KCND3: variants seen among roughly 807,000 people sequenced by gnomAD.
KCND3 encodes potassium voltage-gated channel subfamily D member 3, also known as A-type voltage-gated potassium channel KCND3.
KCND3 carries 9 observed loss-of-function variants against 51.1 expected under a neutral mutation model. The ratio of observed to expected loss-of-function variants is 0.18; its 90% CI spans 0.11 to 0.31. KCND3 has a LOEUF of 0.31. Among genes scored for constraint, KCND3 ranks in the 10% least tolerant of loss-of-function variants. The pLI, the probability that KCND3 is intolerant of heterozygous loss-of-function variation, is 1.00. For missense variants in KCND3, 526 were observed against 903.8 expected (o/e 0.58, Z 5.36); for synonymous variants, 349 against 368.0 (o/e 0.95, Z 0.59).
At chr1:111,951,492 A>G (rs1019710993) in intron 2 of KCND3, among the ~76,000 whole-genome samples, 2 of 152,178 alleles carry the variant, frequency 1.3e-5, no homozygotes, top group Non-Finnish European at 2.9e-5. Flanking sequence ...GGATGGGTGG[A>G]GTAAAGATGG....
At chr1:111,947,674 A>AT in intron 2 of KCND3, among the ~76,000 whole-genome samples, 1 of 152,282 alleles carries the variant, frequency 6.6e-6, no homozygotes, top group Non-Finnish European at 1.5e-5. Context: ...AGGCATTTTC[A>AT]TTGTGGGGGC....
chr1:111,858,352 C>A (rs1171342558), intron 2 of KCND3, among the ~76,000 whole-genome samples: 4 of 152,156 alleles, frequency 2.6e-5, no homozygotes, highest in Non-Finnish European at 1.5e-5. Flanking sequence ...TAAGTTCAAC[C>A]TATCCTGAGC....
At chr1:111,917,165 C>T (rs1459722518) in intron 2 of KCND3, among the ~76,000 whole-genome samples, 1 of 152,174 alleles carries the variant, frequency 6.6e-6, no homozygotes. Context: ...TATTTATTTT[C>T]TCCCTTGGAC....
rs953206539 is a variant in KCND3 at position 111,775,206 on chromosome 1, G to C, written c.*871C>G. 1 of 152,278 alleles carries C rather than the reference G, an allele frequency of 6.6e-6. No homozygotes were observed. Among genetic ancestry groups the C allele is most frequent in the African/African-American group, 2.4e-5 (1 of 41,432 alleles). The allele number at this position is 152,278 out of a possible 1,614,324, so 9.4% of individuals were successfully genotyped here. A position where few individuals can be genotyped will look rare whatever the true frequency, so the allele number is the denominator to read the frequency against. ...AGGCACAAGTCTGTTGTGCGTGGCAGTGATGAAGAAGGCTTTACTGATGTG... is the reference window on the plus strand; with the variant it reads ...AGGCACAAGTCTGTTGTGCGTGGCACTGATGAAGAAGGCTTTACTGATGTG... On this transcript the variant is annotated 3_prime_UTR_variant, in exon 8 of 8. Transcript: ENST00000302127.
Position 111,775,920 on chromosome 1 carries a change from T to C in KCND3, c.*157A>G. The C allele has an allele frequency of 1.3e-6, 1 of 777,486 alleles. No individual in the cohort carries two copies. Among genetic ancestry groups the C allele is most frequent in the East Asian group, 3.2e-5 (1 of 30,938 alleles). The allele number at this position is 777,486 out of a possible 1,614,324, so 48.2% of individuals were successfully genotyped here. A position where few individuals can be genotyped will look rare whatever the true frequency, so the allele number is the denominator to read the frequency against. On this transcript the variant is annotated 3_prime_UTR_variant, in exon 8 of 8. Transcript: ENST00000302127. Reference sequence around the variant, plus strand: ...GAACCTCAGGTGCCCCTTTGCTACCTCTTTTTCCTTCCAGGCACAAGTCTC... The same window carrying C: ...GAACCTCAGGTGCCCCTTTGCTACCCCTTTTTCCTTCCAGGCACAAGTCTC...
intron 2 of KCND3, among the ~76,000 whole-genome samples, chr1:111,797,183 ATGT>A (rs1233628893): frequency 6.6e-6 from 1 of 152,214 alleles, no homozygotes. Flanking sequence ...GGCATCACTG[ATGT>A]TGGTGATCTG....
At chr1:111,940,731 A>AATC (rs1672475426) in intron 2 of KCND3, among the ~76,000 whole-genome samples, 1 of 152,196 alleles carries the variant, frequency 6.6e-6, no homozygotes, top group African/African-American at 2.4e-5. Context: ...TGCACATGAT[A>AATC]ATCATCTGGG....
At chr1:111,845,807 G>A (rs1184373384) in intron 2 of KCND3, among the ~76,000 whole-genome samples, 1 of 152,192 alleles carries the variant, frequency 6.6e-6, no homozygotes, top group African/African-American at 2.4e-5. Context: ...AACCTAGTGA[G>A]CCTGGTGCTA....
rs147871761 is a variant in KCND3 at position 111,835,604 on chromosome 1, A to G, written c.1107-48498T>C. 2.8e-3 allele frequency among the ~76,000 whole-genome samples: 424 copies of G among 152,324 alleles called. 1 individual carries two copies. Among genetic ancestry groups the G allele is most frequent in the African/African-American group, 9.1e-3 (379 of 41,578 alleles). On this transcript the variant is annotated intron_variant, in intron 2 of 7. Transcript: ENST00000302127. Reference sequence around the variant, plus strand: ...CACTGCTCATTATATTCTAATTATAATCATTAGCATACTAAAAGACACTCC... The same window carrying G: ...CACTGCTCATTATATTCTAATTATAGTCATTAGCATACTAAAAGACACTCC...
Position 111,780,720 on chromosome 1 carries a change from G to A in KCND3, c.1341C>T (p.Asn447=), listed in dbSNP as rs1260075598. 13 of 1,612,608 alleles carry A rather than the reference G, an allele frequency of 8.1e-6. 1 individual carries two copies. The Admixed American group carries it at 1.2e-4, about 14-fold the overall frequency. Residue 447 remains asparagine (N), a synonymous_variant, in exon 4 of 8, where the codon AAC becomes AAT. Transcript: ENST00000302127. The surrounding 1 kb of genome is among the most constrained non-coding windows in gnomAD (Gnocchi z 4.2). ...SSNAYLHSKR[N]GLLNEALELT... is the part of the protein sequence containing the mutation. The stretch of plus-strand genomic sequence containing the variant: ...GCTCCAGCGCCTCGTTGAGGAGCCC[G>A]TTGCGCTTGCTGTGCAGGTATGCAT...
At chr1:111,962,592 C>A (rs4839193) in intron 2 of KCND3, among the ~76,000 whole-genome samples, 127,543 of 152,172 alleles carry the variant, frequency 0.84, 53,703 homozygotes, top group African/African-American at 0.89. Flanking sequence ...TCACTACCTC[C>A]GTAGAAACAA....
intron 2 of KCND3, among the ~76,000 whole-genome samples, chr1:111,966,313 A>G (rs1673981076): frequency 1.1e-4 from 16 of 152,200 alleles, no homozygotes; most frequent in Admixed American, 1.0e-3. Flanking sequence ...GTAATAAAAT[A>G]CTGGGGGTGG....
chr1:111,866,771 A>AAAAAC (rs901323735), intron 2 of KCND3, among the ~76,000 whole-genome samples: 13 of 152,270 alleles, frequency 8.5e-5, no homozygotes, highest in East Asian at 5.8e-4. Flanking sequence ...CAACTCTGAG[A>AAAAAC]AAAACAAAAC....
chr1:111,830,329 G>A (rs1268493051), intron 2 of KCND3, among the ~76,000 whole-genome samples: 1 of 152,212 alleles, frequency 6.6e-6, no homozygotes, highest in Admixed American at 6.5e-5. Flanking sequence ...GGCTTGCTCA[G>A]ATCTGGGCCC....
At chr1:111,962,148 T>G (rs1219120732) in intron 2 of KCND3, among the ~76,000 whole-genome samples, 1 of 152,250 alleles carries the variant, frequency 6.6e-6, no homozygotes, top group South Asian at 2.1e-4. Context: ...AACGTCATTA[T>G]TTTTAATCAT....
chr1:111,968,050 C>T (rs892186007), intron 2 of KCND3, among the ~76,000 whole-genome samples: 10 of 152,298 alleles, frequency 6.6e-5, no homozygotes, highest in Middle Eastern at 3.4e-3. Flanking sequence ...AGAAGCTGAC[C>T]TTACATGGAA....
In KCND3 at chr1:111,908,903, G is replaced by C. The variant is rs185679376; in HGVS notation, c.1106+72718C>G. Among the ~76,000 whole-genome samples the C allele has an allele frequency of 2.7e-4, 41 of 150,824 alleles. 1 individual carries two copies. The highest frequency in any genetic ancestry group is 2.6e-3 in the Admixed American group (40 of 15,154). Reference sequence around the variant, plus strand: ...AAAGCAGCAAGGAACTTCCCATCTCGGTGGCTAAGTTCTGTTTCAAAATGA... The same window carrying C: ...AAAGCAGCAAGGAACTTCCCATCTCCGTGGCTAAGTTCTGTTTCAAAATGA... On this transcript the variant is annotated intron_variant, in intron 2 of 7. Transcript: ENST00000302127.
chr1:111,947,053 T>C (rs1358092608), intron 2 of KCND3, among the ~76,000 whole-genome samples: 2 of 146,590 alleles, frequency 1.4e-5, no homozygotes, highest in African/African-American at 2.7e-5. Flanking sequence ...GTGGGTCTTG[T>C]TTTTTTTTAA....
intron 2 of KCND3, among the ~76,000 whole-genome samples, chr1:111,926,845 A>G (rs1671724956): frequency 6.6e-6 from 1 of 152,226 alleles, no homozygotes; most frequent in South Asian, 2.1e-4. Flanking sequence ...AGTTTGCTCT[A>G]ATTCTTGAAA....
Sources: gnomAD v4.1 joint callset for allele counts (sites outside exome capture counted in the v4.1 genomes callset) on GRCh38, gnomAD v4.1.1 for gene constraint, Gnocchi (gnomAD v3.1) non-coding constraint, MANE v1.5 for transcripts, NCBI Gene and HGNC (gene_info 2026-07-23, HGNC 2026-07-21) for gene names.